Variants in CFAP96 observed in about 807,000 individuals in gnomAD.
The protein encoded by CFAP96 is cilia and flagella associated protein 96.
the CFAP96 span, among the ~76,000 whole-genome samples, chr4:185,431,114 G>A: frequency 1.7e-4 from 26 of 151,828 alleles, no homozygotes; most frequent in Admixed American, 3.9e-4. Context: ...GGAGGCTGAG[G>A]CAGGAGAATC....
At chr4:185,430,512 G>C in the CFAP96 span, among the ~76,000 whole-genome samples, 1 of 152,232 alleles carries the variant, frequency 6.6e-6, no homozygotes, top group East Asian at 1.9e-4. Flanking sequence ...CTCTTTGCCT[G>C]TGGAAGAAGA....
chr4:185,411,119 GT>G, the CFAP96 span, among the ~76,000 whole-genome samples: 1,522 of 147,534 alleles, frequency 0.01, 19 homozygotes, highest in South Asian at 0.054. Flanking sequence ...AAAGCCAAAA[GT>G]TTTTTTTTTT....
At chr4:185,437,619 G>T in the CFAP96 span, among the ~76,000 whole-genome samples, 4 of 152,090 alleles carry the variant, frequency 2.6e-5, no homozygotes, top group African/African-American at 4.8e-5. Flanking sequence ...CAGAAACCTT[G>T]GTTCTTATAA....
chr4:185,421,751 T>C, the CFAP96 span, among the ~76,000 whole-genome samples: 7 of 152,238 alleles, frequency 4.6e-5, no homozygotes, highest in Non-Finnish European at 7.3e-5. Context: ...ATTCCTGATC[T>C]TTCTGAACGG....
chr4:185,425,828 G>C, the CFAP96 span: 5 of 1,598,048 alleles, frequency 3.1e-6, no homozygotes, highest in Admixed American at 8.7e-5. Context: ...AAAGTCCGGG[G>C]AAAAACACAG....
chr4:185,417,935 T>A, the CFAP96 span, among the ~76,000 whole-genome samples: 1 of 151,680 alleles, frequency 6.6e-6, no homozygotes, highest in Non-Finnish European at 1.5e-5. Context: ...TCCCAGCTAC[T>A]CAGGAGGCCG....
At chr4:185,415,708 A>G in the CFAP96 span, 1 of 1,606,002 alleles carries the variant, frequency 6.2e-7, no homozygotes, top group Non-Finnish European at 8.5e-7. Context: ...AAAAATACTT[A>G]CTTTCCCCAT....
the CFAP96 span, among the ~76,000 whole-genome samples, chr4:185,428,390 A>G: frequency 2.8e-4 from 42 of 152,130 alleles, no homozygotes; most frequent in Middle Eastern, 3.4e-3. Context: ...CCTGGCCAAC[A>G]TAGTTAAACC....
chr4:185,417,824 G>A, the CFAP96 span, among the ~76,000 whole-genome samples: 3 of 152,078 alleles, frequency 2.0e-5, no homozygotes, highest in South Asian at 2.1e-4. Flanking sequence ...CAGGTGGATC[G>A]CCCGAGGTCA....
chr4:185,441,456 T>C, the CFAP96 span, among the ~76,000 whole-genome samples: 2 of 151,962 alleles, frequency 1.3e-5, no homozygotes, highest in Non-Finnish European at 2.9e-5. Flanking sequence ...ATTTTTTTAA[T>C]CTGTTGGATC....
At chr4:185,434,481 A>G in the CFAP96 span, among the ~76,000 whole-genome samples, 2 of 152,194 alleles carry the variant, frequency 1.3e-5, no homozygotes, top group South Asian at 4.1e-4. Context: ...ACTTTGACTC[A>G]TGTGGTAATA....
chr4:185,411,275 C>G, the CFAP96 span, among the ~76,000 whole-genome samples: 2 of 151,898 alleles, frequency 1.3e-5, no homozygotes, highest in Non-Finnish European at 2.9e-5. Context: ...TACTAAAAAT[C>G]TTCTCACAAA....
the CFAP96 span, among the ~76,000 whole-genome samples, chr4:185,433,479 T>A: frequency 6.6e-6 from 1 of 151,990 alleles, no homozygotes; most frequent in African/African-American, 2.4e-5. Flanking sequence ...ATTTGATAGA[T>A]GATAACCGAA....
At chr4:185,411,595 G>T in the CFAP96 span, among the ~76,000 whole-genome samples, 1 of 152,106 alleles carries the variant, frequency 6.6e-6, no homozygotes, top group Admixed American at 6.5e-5. Flanking sequence ...CATCTATATT[G>T]TTGAGAGATT....
At chr4:185,442,416 G>T in the CFAP96 span, among the ~76,000 whole-genome samples, 1 of 151,742 alleles carries the variant, frequency 6.6e-6, no homozygotes, top group Non-Finnish European at 1.5e-5. Flanking sequence ...TTATTTTAAG[G>T]TTCTGGTCAA....
chr4:185,447,186 CT>C, the CFAP96 span, among the ~76,000 whole-genome samples: 82,994 of 139,402 alleles, frequency 0.6, 26,693 homozygotes, highest in East Asian at 0.81. Context: ...TATATTTTTT[CT>C]TTTTTTTTTT....
At chr4:185,415,114 G>GTCATTATT in the CFAP96 span, 5 of 1,441,042 alleles carry the variant, frequency 3.5e-6, no homozygotes, top group Non-Finnish European at 2.8e-6. Context: ...ATGAATGATA[G>GTCATTATT]TCATTATTGT....
the CFAP96 span, among the ~76,000 whole-genome samples, chr4:185,434,975 A>G: frequency 6.6e-6 from 1 of 151,978 alleles, no homozygotes; most frequent in Non-Finnish European, 1.5e-5. Flanking sequence ...TCCTGACCTC[A>G]GGTGATCTGC....
the CFAP96 span, chr4:185,429,562 A>T: frequency 1.2e-5 from 12 of 981,730 alleles, no homozygotes; most frequent in African/African-American, 1.9e-4. Context: ...TTTTCTATAT[A>T]AAATTTAGAA....
Sources: allele counts gnomAD v4.1 joint callset (sites outside exome capture counted in the v4.1 genomes callset), GRCh38; gene constraint gnomAD v4.1.1; transcripts MANE v1.5; gene names NCBI Gene and HGNC (gene_info 2026-07-23, HGNC 2026-07-21).